The following ANKRD50 variants were observed in gnomAD, a reference collection of about 807,000 sequenced individuals.
ANKRD50 encodes the protein ankyrin repeat domain 50, also known as ankyrin repeat domain-containing protein 50.
In ANKRD50, 40 loss-of-function variants were observed where a neutral mutation model predicts 112.0. The observed-to-expected ratio is 0.36, with a 90% CI of 0.28 to 0.46. The LOEUF (loss-of-function observed/expected upper bound fraction) is 0.46. Ranked by LOEUF, ANKRD50 falls within the 20% of genes least tolerant of loss-of-function variation. The pLI is 1.00. For synonymous variants in ANKRD50, 613 were observed against 619.1 expected (o/e 0.99, Z 0.15); for missense variants, 1,487 against 1,701.7 (o/e 0.87, Z 2.22).
intron 2 of ANKRD50, among the ~76,000 whole-genome samples, chr4:124,688,163 A>G (rs1460953623): frequency 6.6e-6 from 1 of 152,226 alleles, no homozygotes; most frequent in Non-Finnish European, 1.5e-5. Flanking sequence ...AGTATCACTC[A>G]GTCATAAGAG....
At chr4:124,704,942 A>C (rs1725470674) in intron 2 of ANKRD50, among the ~76,000 whole-genome samples, 1 of 152,058 alleles carries the variant, frequency 6.6e-6, no homozygotes, top group African/African-American at 2.4e-5. Context: ...AAAATACAAA[A>C]CATTGGCTGG....
chr4:124,678,695 A>G lies in ANKRD50; in HGVS notation c.723T>C (p.Ala241=), dbSNP rs751520571. The change falls in exon 3 of 5, where the codon GCT becomes GCC. Residue 241 remains alanine (A), a synonymous_variant. Coordinates refer to ENST00000504087, the MANE Select transcript of ANKRD50 (RefSeq NM_020337.3). ...LLCSARKQSK[A]VTKMFTGFRK... is the part of the protein sequence containing the mutation. ...GCTTACCAGTAAACATTTTAGTAAC[A>G]GCCTTACTCTGCTTTCGGGCAGAAC... 1 of 1,613,464 alleles carries G rather than the reference A, an allele frequency of 6.2e-7. No individual in the cohort carries two copies. Among genetic ancestry groups the G allele is most frequent in the South Asian group, 1.1e-5 (1 of 91,036 alleles).
intron 2 of ANKRD50, among the ~76,000 whole-genome samples, chr4:124,679,826 A>G (rs775120838): frequency 6.6e-6 from 1 of 152,152 alleles, no homozygotes; most frequent in African/African-American, 2.4e-5. Context: ...CTGTAGGCCA[A>G]CCTACCTCAA....
At chr4:124,701,291 G>A (rs1389221981) in intron 2 of ANKRD50, among the ~76,000 whole-genome samples, 1 of 151,944 alleles carries the variant, frequency 6.6e-6, no homozygotes, top group Non-Finnish European at 1.5e-5. Flanking sequence ...CTAGTGAAAC[G>A]ACCTGCAATC....
chr4:124,695,579 G>A (rs924907809), intron 2 of ANKRD50, among the ~76,000 whole-genome samples: 4 of 152,114 alleles, frequency 2.6e-5, no homozygotes, highest in South Asian at 2.1e-4. Context: ...GAAATCTCTC[G>A]TAGTATCTTG....
At chr4:124,675,042 G>C (rs1052401302) in intron 3 of ANKRD50, among the ~76,000 whole-genome samples, 6 of 151,686 alleles carry the variant, frequency 4.0e-5, no homozygotes, top group Middle Eastern at 3.4e-3. Flanking sequence ...ATAAGATAGG[G>C]CTGAAAAATA....
At chr4:124,697,401 A>T (rs1725277987) in intron 2 of ANKRD50, among the ~76,000 whole-genome samples, 1 of 152,174 alleles carries the variant, frequency 6.6e-6, no homozygotes, top group Non-Finnish European at 1.5e-5. Flanking sequence ...TCAGTATAGC[A>T]ATGTTGGGAG....
chr4:124,681,496 T>A (rs1429828973), intron 2 of ANKRD50, among the ~76,000 whole-genome samples: 2 of 152,118 alleles, frequency 1.3e-5, no homozygotes, highest in African/African-American at 4.8e-5. Flanking sequence ...AATCTCCTTC[T>A]CCCCTAGTCC....
chr4:124,690,113 G>A (rs771383801), intron 2 of ANKRD50, among the ~76,000 whole-genome samples: 2 of 152,100 alleles, frequency 1.3e-5, no homozygotes, highest in Non-Finnish European at 2.9e-5. Context: ...AAATGCTAGA[G>A]TTACACAAAA....
chr4:124,695,130 A>T (rs973192621), intron 2 of ANKRD50, among the ~76,000 whole-genome samples: 2 of 152,096 alleles, frequency 1.3e-5, no homozygotes, highest in African/African-American at 2.4e-5. Context: ...AAAATGTAGT[A>T]GGTGGCAGCA....
At position 124,669,204 on chromosome 4, in the gene ANKRD50, C is replaced by T; in HGVS notation, c.4073G>A (p.Arg1358Lys). Residue 1358 changes from arginine (R) to lysine (K), a missense_variant, in exon 4 of 5, where the codon AGA (arginine) becomes AAA (lysine). This residue lies in a region of ANKRD50 where 441 missense variants were observed against 432.2 expected (regional missense o/e 1.02). Transcript: ENST00000504087. The part of the protein sequence containing the change: ...IHQQSGEQKK[R>K]NGIMTNPNYH... ...ATTTGGATTTGTCATTATTCCATTT[C>T]TCTTCTTCTGTTCCCCACTTTGTTG... The T allele has an allele frequency of 6.2e-7, 1 of 1,613,642 alleles. No homozygotes were observed. The highest frequency in any genetic ancestry group is 8.5e-7 in the Non-Finnish European group (1 of 1,179,774).
chr4:124,680,569 TG>T (rs1323236146), intron 2 of ANKRD50, among the ~76,000 whole-genome samples: 6 of 152,190 alleles, frequency 3.9e-5, no homozygotes, highest in African/African-American at 1.4e-4. Flanking sequence ...CCTACTCTAT[TG>T]TATCTTAAAC....
At chr4:124,709,278 T>C (rs182490744) in intron 2 of ANKRD50, among the ~76,000 whole-genome samples, 69 of 152,264 alleles carry the variant, frequency 4.5e-4, no homozygotes, top group Admixed American at 9.2e-4. Flanking sequence ...AATTATATTT[T>C]CTTGAACAGA....
Position 124,672,118 on chromosome 4 carries a change from G to T in ANKRD50, c.1159C>A (p.Arg387Ser). The T allele has an allele frequency of 6.2e-7, 1 of 1,613,836 alleles. No homozygotes were observed. Among genetic ancestry groups the T allele is most frequent in the Non-Finnish European group, 8.5e-7 (1 of 1,179,836 alleles). ...NMSLTLEDFQ[R>S]KLDILSKLLV... ...AGTTTGGAGAGGATATCTAACTTGC[G>T]TTGAAAATCTTCCAAAGTTAACGAC... The change falls in exon 4 of 5, where the codon CGC becomes AGC. Residue 387 changes from arginine to serine, a missense_variant. Coordinates refer to ENST00000504087, the MANE Select transcript of ANKRD50 (RefSeq NM_020337.3).
Position 124,671,586 on chromosome 4 carries a change from A to T in ANKRD50, c.1691T>A (p.Leu564His). The change falls in exon 4 of 5, where the codon CTT (leucine) becomes CAT (histidine). Residue 564 changes from leucine (L) to histidine (H), a missense_variant. Physicochemically the swap from Leu to His is moderately conservative, Grantham distance 99. This residue lies in a region of ANKRD50 where 1,046 missense variants were observed against 1,269.5 expected (regional missense o/e 0.82). Transcript: ENST00000504087. ...YSGSLDVVNL[L>H]VSRGADLEIE... ...CTCTAAATCTGCTCCCCTAGAGACAAGTAAATTGACTACATCAAGACTGCC... is the reference window on the plus strand; with the variant it reads ...CTCTAAATCTGCTCCCCTAGAGACATGTAAATTGACTACATCAAGACTGCC... The T allele has an allele frequency of 6.2e-7, 1 of 1,613,900 alleles. No homozygotes were observed. Among genetic ancestry groups the T allele is most frequent in the Non-Finnish European group, 8.5e-7 (1 of 1,179,872 alleles).
chr4:124,670,107 T>G lies in ANKRD50; in HGVS notation c.3170A>C (p.His1057Pro). 1 of 1,613,456 alleles carries G rather than the reference T, an allele frequency of 6.2e-7. No homozygotes were observed. The highest frequency in any genetic ancestry group is 8.5e-7 in the Non-Finnish European group (1 of 1,179,742). ...TAATAAGACCTGAACAACATCAATG[T>G]GCCCTTCCTGGGCTGCAATACAGAG... ...TALCIAAQEG[H>P]IDVVQVLLEH... The change falls in exon 4 of 5, where the codon CAC (histidine) becomes CCC (proline). Residue 1057 changes from histidine to proline, a missense_variant. His to Pro is a moderately conservative substitution (Grantham distance 77). Transcript: ENST00000504087.
At chr4:124,698,811 T>C (rs893656657) in intron 2 of ANKRD50, among the ~76,000 whole-genome samples, 13 of 152,140 alleles carry the variant, frequency 8.5e-5, no homozygotes, top group African/African-American at 2.9e-4. Context: ...AATTGGCCTG[T>C]TTACAATATT....
chr4:124,669,707 T>C lies in ANKRD50; in HGVS notation c.3570A>G (p.Ser1190=), dbSNP rs377605549. Residue 1190 remains serine (S), a synonymous_variant, in exon 4 of 5, where the codon TCA becomes TCG. Transcript: ENST00000504087. ...CTGTAGATGAAGTAGTTCTCAAAGA[T>C]GAATTTTTTGAGCTTTTCAGGGAAT... The part of the protein sequence containing the change: ...SNNSLKSSKN[S]SLRTTSSTAT... The C allele has an allele frequency of 1.2e-5, 19 of 1,613,146 alleles. No individual in the cohort carries two copies. Among genetic ancestry groups the C allele is most frequent in the Non-Finnish European group, 1.5e-5 (18 of 1,179,732 alleles).
intron 2 of ANKRD50, among the ~76,000 whole-genome samples, chr4:124,708,413 C>A (rs972760768): frequency 1.9e-4 from 29 of 152,066 alleles, no homozygotes; most frequent in Non-Finnish European, 3.7e-4. Context: ...TTTTATTGGA[C>A]TAAATTTACA....
Sources: gnomAD v4.1 joint callset for allele counts (sites outside exome capture counted in the v4.1 genomes callset) on GRCh38, gnomAD v4.1.1 for gene constraint, gnomAD v4.1.1 regional missense constraint, MANE v1.5 for transcripts, NCBI Gene and HGNC (gene_info 2026-07-23, HGNC 2026-07-21) for gene names.